The following HIVEP1 variants were observed in gnomAD, a reference collection of about 807,000 sequenced individuals.
The protein encoded by HIVEP1 is HIVEP zinc finger 1, also known as zinc finger protein 40.
Under a neutral mutation model 180.0 loss-of-function variants are expected in HIVEP1, and 36 were observed. The observed-to-expected ratio is 0.20, with a 90% confidence interval of 0.15 to 0.26. The LOEUF (loss-of-function observed/expected upper bound fraction) is 0.26. Ranked by LOEUF, HIVEP1 falls within the 10% of genes least tolerant of loss-of-function variation. HIVEP1 has a pLI of 1.00. For missense variants in HIVEP1, 3,143 were observed against 3,268.7 expected (o/e 0.96, Z 0.94); for synonymous variants, 1,239 against 1,239.0 (o/e 1.00, Z 0.00).
chr6:12,205,463 T>G, the HIVEP1 span, among the ~76,000 whole-genome samples: 4 of 147,080 alleles, frequency 2.7e-5, no homozygotes, highest in African/African-American at 1.0e-4. Context: ...AGAGCAAGAC[T>G]CCATCTCAAA....
chr6:12,031,644 G>A (rs1028076997), intron 2 of HIVEP1, among the ~76,000 whole-genome samples: 1 of 152,154 alleles, frequency 6.6e-6, no homozygotes, highest in Non-Finnish European at 1.5e-5. Context: ...CTGGGATAGG[G>A]AGACAGGAAC....
intron 2 of HIVEP1, among the ~76,000 whole-genome samples, chr6:12,045,872 A>G (rs976217424): frequency 1.3e-5 from 2 of 152,248 alleles, no homozygotes; most frequent in East Asian, 1.9e-4. Flanking sequence ...ATAGTCCCAA[A>G]TATTTGGAAG....
intron 3 of HIVEP1, among the ~76,000 whole-genome samples, chr6:12,111,127 A>C (rs1774863296): frequency 6.6e-6 from 1 of 152,270 alleles, no homozygotes; most frequent in African/African-American, 2.4e-5. Context: ...AGTAAAAACA[A>C]AGATCACTGA....
downstream of HIVEP1, among the ~76,000 whole-genome samples, chr6:12,167,843 A>G (rs1048287194): frequency 1.2e-4 from 17 of 144,946 alleles, no homozygotes; most frequent in Non-Finnish European, 1.7e-4. Flanking sequence ...ACACATGTAC[A>G]TGTATAGATG....
intron 7 of HIVEP1, among the ~76,000 whole-genome samples, chr6:12,140,475 G>A (rs753133314): frequency 2.7e-4 from 41 of 152,138 alleles, no homozygotes; most frequent in Admixed American, 3.3e-4. Context: ...CCAAAAGATC[G>A]CAGCTCCTCG....
At chr6:12,151,869 C>T (rs1759724022) in intron 7 of HIVEP1, among the ~76,000 whole-genome samples, 1 of 152,138 alleles carries the variant, frequency 6.6e-6, no homozygotes, top group Non-Finnish European at 1.5e-5. Context: ...CCATAGTTTG[C>T]CAATCCCTGA....
the HIVEP1 span, among the ~76,000 whole-genome samples, chr6:12,211,593 T>A: frequency 2.6e-5 from 4 of 151,934 alleles, no homozygotes; most frequent in East Asian, 7.7e-4. Flanking sequence ...TGTGTGTGTC[T>A]ATATATTTAG....
chr6:12,168,020 A>G (rs200538844), downstream of HIVEP1, among the ~76,000 whole-genome samples: 3 of 14,718 alleles, frequency 2.0e-4, no homozygotes, highest in African/African-American at 6.9e-4. Context: ...ATGTACATGT[A>G]TATATGTATA....
At chr6:12,081,765 G>A (rs1398010754) in intron 2 of HIVEP1, among the ~76,000 whole-genome samples, 1 of 152,120 alleles carries the variant, frequency 6.6e-6, no homozygotes, top group Non-Finnish European at 1.5e-5. Context: ...TCTATCCCCT[G>A]CTCCTTCGCA....
intron 2 of HIVEP1, among the ~76,000 whole-genome samples, chr6:12,067,411 TTGAC>T (rs1771668959): frequency 6.6e-6 from 1 of 152,176 alleles, no homozygotes; most frequent in African/African-American, 2.4e-5. Flanking sequence ...TTAAAGGAAG[TTGAC>T]TGGCCGTTTA....
chr6:12,208,432 A>T, the HIVEP1 span, among the ~76,000 whole-genome samples: 66,118 of 151,836 alleles, frequency 0.44, 14,483 homozygotes, highest in East Asian at 0.64. Flanking sequence ...GAGTCTCATA[A>T]CCAGACTCGC....
the HIVEP1 span, among the ~76,000 whole-genome samples, chr6:12,206,810 G>A: frequency 1.3e-5 from 2 of 152,064 alleles, no homozygotes; most frequent in African/African-American, 2.4e-5. Context: ...TCCTTCCCTA[G>A]GGAAGGCAGC....
At chr6:12,093,534 T>C (rs941988215) in intron 3 of HIVEP1, among the ~76,000 whole-genome samples, 1 of 151,698 alleles carries the variant, frequency 6.6e-6, no homozygotes, top group Non-Finnish European at 1.5e-5. Context: ...ATCTGGAGTT[T>C]GTTTTTTTAA....
upstream of HIVEP1, among the ~76,000 whole-genome samples, chr6:12,009,612 C>T (rs575564784): frequency 2.7e-4 from 41 of 152,144 alleles, no homozygotes; most frequent in African/African-American, 9.2e-4. Flanking sequence ...TTATTTGATA[C>T]ATTTTGAGAA....
intron 3 of HIVEP1, among the ~76,000 whole-genome samples, chr6:12,097,892 T>G (rs1345549711): frequency 6.6e-6 from 1 of 152,184 alleles, no homozygotes; most frequent in Admixed American, 6.5e-5. Flanking sequence ...TTTTGAAATA[T>G]GAAAGCAAAA....
At chr6:12,168,464 A>T (rs1274679923), downstream of HIVEP1, among the ~76,000 whole-genome samples, 4 of 148,516 alleles carry the variant, frequency 2.7e-5, no homozygotes, top group Non-Finnish European at 5.9e-5. Context: ...AAAAAAGGAG[A>T]AAAGGTTTAA....
intron 3 of HIVEP1, among the ~76,000 whole-genome samples, chr6:12,092,642 G>A (rs935772455): frequency 2.6e-5 from 4 of 152,102 alleles, no homozygotes; most frequent in African/African-American, 9.7e-5. Context: ...CACTATCAGT[G>A]TCCAAGAATT....
chr6:12,197,451 C>T, the HIVEP1 span, among the ~76,000 whole-genome samples: 3 of 148,466 alleles, frequency 2.0e-5, no homozygotes, highest in Non-Finnish European at 4.4e-5. Flanking sequence ...CCCAGCTACT[C>T]GGGAGGCTGA....
chr6:12,121,964 C>A lies in HIVEP1; in HGVS notation c.2169C>A (p.Pro723=). ...LVTTSTPSAL[P]TGEKALLLPG... ...CCACGTCAACACCCTCTGCTTTGCC[C>A]ACAGGGGAAAAGGCATTGCTTTTAC... is the stretch of plus-strand genomic sequence containing the variant. The change falls in exon 4 of 9, where the codon CCC becomes CCA. Residue 723 remains proline (P), a synonymous_variant. Coordinates refer to ENST00000379388, the MANE Select transcript of HIVEP1 (RefSeq NM_002114.4). The surrounding 1 kb of genome is among the most constrained non-coding windows in gnomAD (Gnocchi z 5.3). 1 of 1,614,170 alleles carries A rather than the reference C, an allele frequency of 6.2e-7. No individual in the cohort carries two copies. The highest frequency in any genetic ancestry group is 8.5e-7 in the Non-Finnish European group (1 of 1,180,028).
Sources: allele counts gnomAD v4.1 joint callset (sites outside exome capture counted in the v4.1 genomes callset), GRCh38; gene constraint gnomAD v4.1.1; non-coding constraint Gnocchi (gnomAD v3.1); transcripts MANE v1.5; gene names NCBI Gene and HGNC (gene_info 2026-07-23, HGNC 2026-07-21).